MAP3K1: variants seen among roughly 807,000 people sequenced by gnomAD.
MAP3K1 encodes the protein MAP/ERK kinase kinase 1.
MAP3K1 carries 36 observed loss-of-function variants against 144.2 expected under a neutral mutation model. The ratio of observed to expected loss-of-function variants is 0.25; its 90% CI spans 0.19 to 0.33. The LOEUF (loss-of-function observed/expected upper bound fraction) is 0.33, where lower values mean the gene tolerates loss of function less well. Among genes scored for constraint, MAP3K1 ranks in the 10% least tolerant of loss-of-function variants. The probability of loss-of-function intolerance (pLI) is 1.00; values close to 1 mark genes in which losing one functional copy is unlikely to be tolerated. For missense variants in MAP3K1, 1,650 were observed against 1,881.9 expected (o/e 0.88, Z 2.28); for synonymous variants, 718 against 688.7 (o/e 1.04, Z -0.67).
chr5:56,871,280 T>C (rs1236934801), intron 6 of MAP3K1, among the ~76,000 whole-genome samples: 1 of 152,220 alleles, frequency 6.6e-6, no homozygotes, highest in East Asian at 1.9e-4. Flanking sequence ...GGCATTCATT[T>C]GGTTGTTTTG....
At position 56,893,740 on chromosome 5, in the gene MAP3K1, T is replaced by G; in HGVS notation, c.*60T>G. 6.3e-7 allele frequency: 1 copy of G among 1,579,732 alleles called. No homozygotes were observed. The highest frequency in any genetic ancestry group is 8.7e-7 in the Non-Finnish European group (1 of 1,154,340). ...TGCTCAACAAGAGAAAAAAAACTTGTGGGGAACCACATTGATATTCTACTG... is the reference window on the plus strand; with the variant it reads ...TGCTCAACAAGAGAAAAAAAACTTGGGGGGAACCACATTGATATTCTACTG... On this transcript the variant is annotated 3_prime_UTR_variant, in exon 20 of 20. Coordinates refer to ENST00000399503, the MANE Select transcript of MAP3K1 (RefSeq NM_005921.2).
chr5:56,884,661 C>T lies in MAP3K1; in HGVS notation c.3820-3C>T, dbSNP rs2111954336. On this transcript the variant is annotated splice_region_variant and splice_polypyrimidine_tract_variant and intron_variant, in intron 15 of 19. Transcript: ENST00000399503. ...ACTTTGTGAACGTGTTTATTTGAAA[C>T]AGGTGACTTATGTCAGAAACACATC... 1 of 1,613,510 alleles carries T rather than the reference C, an allele frequency of 6.2e-7. No individual in the cohort carries two copies. Among genetic ancestry groups the T allele is most frequent in the South Asian group, 1.1e-5 (1 of 91,044 alleles).
In MAP3K1 at chr5:56,815,760, C is replaced by A; in HGVS notation, c.187C>A (p.Arg63Ser). Residue 63 changes from arginine (R) to serine (S), a missense_variant, in exon 1 of 20, where the codon CGC becomes AGC. Transcript: ENST00000399503. ...GGCGGACTGGCGGCGGCGGCAGCTG[C>A]GCAAAGTGCGGAGTGTGGAGCTGGA... is the stretch of plus-strand genomic sequence containing the variant. ...ERADWRRRQL[R>S]KVRSVELDQL... 9 of 1,380,800 alleles carry A rather than the reference C, an allele frequency of 6.5e-6. No individual in the cohort carries two copies. Among genetic ancestry groups the A allele is most frequent in the Admixed American group, 2.6e-5 (1 of 38,464 alleles). The allele number at this position is 1,380,800 out of a possible 1,614,324, so 85.5% of individuals were successfully genotyped here.
chr5:56,849,570 T>C (rs914243020), intron 1 of MAP3K1, among the ~76,000 whole-genome samples: 1 of 152,218 alleles, frequency 6.6e-6, no homozygotes, highest in East Asian at 1.9e-4. Flanking sequence ...CATTGTTACT[T>C]CTTATGTAAA....
rs570313957 is a variant in MAP3K1 at position 56,881,185 on chromosome 5, T to C, written c.2282T>C (p.Ile761Thr). 97 of 1,613,854 alleles carry C rather than the reference T, an allele frequency of 6.0e-5. No homozygotes were observed. The highest frequency in any genetic ancestry group is 2.0e-4 in the East Asian group (9 of 44,832). Residue 761 changes from isoleucine (I) to threonine (T), a missense_variant, in exon 13 of 20, where the codon ATA (isoleucine) becomes ACA (threonine). By Grantham distance (89) the Ile-to-Thr change is moderately conservative. Transcript: ENST00000399503. ...WQELLGRLCL[I>T]DRLLLEFPAE... ...GAACTTCTTGGCCGCCTTTGTCTTATAGATAGACTGTTGTTGGAATTTCCT... is the reference window on the plus strand; with the variant it reads ...GAACTTCTTGGCCGCCTTTGTCTTACAGATAGACTGTTGTTGGAATTTCCT...
At chr5:56,848,063 G>A (rs1331289137) in intron 1 of MAP3K1, among the ~76,000 whole-genome samples, 1 of 151,232 alleles carries the variant, frequency 6.6e-6, no homozygotes, top group African/African-American at 2.4e-5. Flanking sequence ...GGGAGATTTG[G>A]GCATGTACTT....
intron 1 of MAP3K1, among the ~76,000 whole-genome samples, chr5:56,846,476 C>T (rs1029858434): frequency 2.6e-5 from 4 of 152,204 alleles, no homozygotes; most frequent in Non-Finnish European, 5.9e-5. Context: ...AATTGATAGT[C>T]TTCTAGGATT....
intron 9 of MAP3K1, among the ~76,000 whole-genome samples, chr5:56,873,707 G>A (rs781070354): frequency 3.9e-5 from 6 of 152,094 alleles, no homozygotes; most frequent in African/African-American, 9.7e-5. Context: ...GTTAAATTCT[G>A]TTGAATTAAA....
chr5:56,832,918 C>T (rs970810843), intron 1 of MAP3K1, among the ~76,000 whole-genome samples: 3 of 152,234 alleles, frequency 2.0e-5, no homozygotes, highest in Non-Finnish European at 4.4e-5. Context: ...TGTCACCAGG[C>T]TGGAGTGCAG....
intron 9 of MAP3K1, among the ~76,000 whole-genome samples, chr5:56,873,631 A>G (rs977560800): frequency 1.3e-5 from 2 of 152,144 alleles, no homozygotes; most frequent in Admixed American, 1.3e-4. Context: ...TTTTAAATGT[A>G]GGATCTAAAA....
chr5:56,825,491 T>A (rs1746285559), intron 1 of MAP3K1, among the ~76,000 whole-genome samples: 1 of 152,158 alleles, frequency 6.6e-6, no homozygotes, highest in Non-Finnish European at 1.5e-5. Context: ...CATACAACTT[T>A]CTCCAGGATA....
rs371056126 is a variant in MAP3K1, at chr5:56,878,615, A to G, written c.1966-365A>G. ...TATTCATTTTGTTCTGTGGGTTGCA[A>G]CCCAGTACTACCATCATTTGTTTTG... is the stretch of plus-strand genomic sequence containing the variant. On this transcript the variant is annotated intron_variant, in intron 10 of 19. Transcript: ENST00000399503. 2.9e-4 allele frequency among the ~76,000 whole-genome samples: 44 copies of G among 152,248 alleles called. No individual in the cohort carries two copies. The East Asian group carries it at 4.0e-3, about 14-fold the overall frequency.
At chr5:56,855,688 A>T (rs1747323439) in intron 1 of MAP3K1, among the ~76,000 whole-genome samples, 1 of 150,270 alleles carries the variant, frequency 6.7e-6, no homozygotes, top group Non-Finnish European at 1.5e-5. Flanking sequence ...TGTTTTTGGT[A>T]TTTCCTTGAG....
rs1013532854 is a variant in MAP3K1, at chr5:56,896,073, A to T, written c.*2393A>T. On this transcript the variant is annotated 3_prime_UTR_variant, in exon 20 of 20. Coordinates refer to ENST00000399503, the MANE Select transcript of MAP3K1 (RefSeq NM_005921.2). ...TTGAGATATTTTAATTAAAATTTTTACCCCATTGAACCGATTTTATAGTAT... is the reference window on the plus strand; with the variant it reads ...TTGAGATATTTTAATTAAAATTTTTTCCCCATTGAACCGATTTTATAGTAT... The T allele has an allele frequency of 4.4e-6, 1 of 227,144 alleles. No homozygotes were observed. The allele number at this position is 227,144 out of a possible 1,614,324, so 14.1% of individuals were successfully genotyped here. A position where few individuals can be genotyped will look rare whatever the true frequency, so the allele number is the denominator to read the frequency against.
rs1201068128 is a variant in MAP3K1, at chr5:56,875,236, G to T, written c.1891G>T (p.Val631Leu). ...TTCCCAGACCAGTATCTCAGGAGAT[G>T]TGGTGGAGGCATGCTGCAGCGTTCT... Reference protein sequence around the residue: ...GSSQTSISGDVVEACCSVLSM... With the variant: ...GSSQTSISGDLVEACCSVLSM... Residue 631 changes from valine (V) to leucine (L), a missense_variant, in exon 10 of 20, where the codon GTG becomes TTG. Transcript: ENST00000399503. 1 of 1,614,180 alleles carries T rather than the reference G, an allele frequency of 6.2e-7. No homozygotes were observed. The highest frequency in any genetic ancestry group is 1.7e-5 in the Admixed American group (1 of 60,022).
chr5:56,881,031 G>T (rs2111938133), intron 12 of MAP3K1, 52 bp from the exon 13 acceptor site: 1 of 1,441,916 alleles, frequency 6.9e-7, no homozygotes, highest in South Asian at 1.2e-5. Context: ...TCTTGTTTTA[G>T]ATTTTAATAT....
intron 1 of MAP3K1, among the ~76,000 whole-genome samples, chr5:56,834,533 A>T (rs768851245): frequency 2.6e-5 from 4 of 152,126 alleles, no homozygotes; most frequent in African/African-American, 9.7e-5. Flanking sequence ...CCAACATGGT[A>T]AAACCCCGTC....
chr5:56,847,581 G>A (rs186791763), intron 1 of MAP3K1, among the ~76,000 whole-genome samples: 22 of 152,348 alleles, frequency 1.4e-4, no homozygotes, highest in African/African-American at 3.8e-4. Context: ...GGGTGACAGA[G>A]TAACACTGGA....
chr5:56,862,916 G>A (rs1747560816), intron 3 of MAP3K1, among the ~76,000 whole-genome samples: 1 of 152,148 alleles, frequency 6.6e-6, no homozygotes. Flanking sequence ...CATTATTACG[G>A]TCGGTTTTTA....
Sources: gnomAD v4.1 joint callset for allele counts (sites outside exome capture counted in the v4.1 genomes callset) on GRCh38, gnomAD v4.1.1 for gene constraint, MANE v1.5 for transcripts, NCBI Gene and HGNC (gene_info 2026-07-23, HGNC 2026-07-21) for gene names.